SLC25A40: variants seen among roughly 807,000 people sequenced by gnomAD.
SLC25A40 encodes the protein solute carrier family 25 member 40, also known as mitochondrial glutathione transporter SLC25A40.
SLC25A40 carries 41 observed loss-of-function variants against 46.5 expected under a neutral mutation model. That is an observed-to-expected ratio of 0.88 (90% CI 0.69 to 1.14). SLC25A40 has a LOEUF of 1.14. SLC25A40 is among the 50% of genes most tolerant of loss of function. The probability of loss-of-function intolerance (pLI) is 0.00; values close to 1 mark genes in which losing one functional copy is unlikely to be tolerated. For missense variants in SLC25A40, 386 were observed against 393.6 expected, an observed-to-expected ratio of 0.98 and a Z score of 0.16; for synonymous variants, 126 against 127.5, an observed-to-expected ratio of 0.99 and a Z score of 0.08.
intron 5 of SLC25A40, 61 bp from the exon 6 acceptor site, chr7:87,850,009 T>G (rs1838484851): frequency 3.8e-6 from 4 of 1,049,900 alleles, no homozygotes; most frequent in South Asian, 1.7e-5. Context: ...ATACAAAAAT[T>G]TATACTGATG....
In SLC25A40 at chr7:87,847,052, G is replaced by GT. The variant is rs768819579; in HGVS notation, c.527dup (p.Tyr176Ter). 2.5e-6 allele frequency: 4 copies of GT among 1,613,620 alleles called. No individual in the cohort carries two copies. In the South Asian group the frequency reaches 3.3e-5, roughly 13 times the overall value. ...RTKMQSKKFS[Y>*]VELHRFVSKK... Reference sequence around the variant, plus strand: ...TGCTGACAAATCGATGCAGTTCCACGTAAGAAAACTTCTTGGACTGCATCT... The same window carrying GT: ...TGCTGACAAATCGATGCAGTTCCACGTTAAGAAAACTTCTTGGACTGCATCT... Residue 176 changes from tyrosine to a stop codon, truncating the protein, a stop_gained and frameshift_variant, in exon 8 of 12, where the codon TAC (tyrosine) becomes TAAC (stop). Transcript: ENST00000341119. LOFTEE classifies it high-confidence loss of function.
At chr7:87,874,371 C>T (rs1413900015) in intron 1 of SLC25A40, among the ~76,000 whole-genome samples, 2 of 152,206 alleles carry the variant, frequency 1.3e-5, no homozygotes. Context: ...ATCTTTCCCA[C>T]ATCCTCTAAA....
chr7:87,850,408 G>T (rs1427351478), intron 5 of SLC25A40, among the ~76,000 whole-genome samples: 1 of 152,138 alleles, frequency 6.6e-6, no homozygotes, highest in Non-Finnish European at 1.5e-5. Context: ...AAAAGATAAA[G>T]TAATTAAAAA....
At chr7:87,853,420 G>C (rs1405819586) in intron 5 of SLC25A40, among the ~76,000 whole-genome samples, 1 of 152,156 alleles carries the variant, frequency 6.6e-6, no homozygotes, top group Non-Finnish European at 1.5e-5. Flanking sequence ...CAGGTTAGGA[G>C]TTGCTTAAAC....
Position 87,858,651 on chromosome 7 carries a change from G to C in SLC25A40, c.77C>G (p.Ala26Gly). ...LQQMLASCTG[A>G]ILTSVIVTPL... ...TTTACCTATTACTGATGTCAGTATAGCTCCAGTACATGAGGCAAGCATTTG... is the reference window on the plus strand; with the variant it reads ...TTTACCTATTACTGATGTCAGTATACCTCCAGTACATGAGGCAAGCATTTG... The change falls in exon 3 of 12, where the codon GCT becomes GGT. Residue 26 changes from alanine (A) to glycine (G), a missense_variant. Physicochemically the swap from Ala to Gly is moderately conservative, Grantham distance 60. Transcript: ENST00000341119. 1 of 1,600,556 alleles carries C rather than the reference G, an allele frequency of 6.2e-7. No homozygotes were observed. Among genetic ancestry groups the C allele is most frequent in the Non-Finnish European group, 8.6e-7 (1 of 1,167,724 alleles).
intron 1 of SLC25A40, among the ~76,000 whole-genome samples, chr7:87,875,144 A>T (rs1838969064): frequency 6.6e-6 from 1 of 152,256 alleles, no homozygotes; most frequent in African/African-American, 2.4e-5. Flanking sequence ...TGACATCAAT[A>T]GACCTTGATG....
intron 1 of SLC25A40, among the ~76,000 whole-genome samples, chr7:87,872,199 T>C (rs1452256669): frequency 6.6e-6 from 1 of 152,222 alleles, no homozygotes; most frequent in African/African-American, 2.4e-5. Flanking sequence ...CAAACTCTTT[T>C]CCAAAACTTA....
At chr7:87,839,031 T>G (rs953748872) in intron 10 of SLC25A40, among the ~76,000 whole-genome samples, 2 of 151,530 alleles carry the variant, frequency 1.3e-5, no homozygotes. Context: ...AAAGTTTCCC[T>G]AGGGCACATA....
intron 1 of SLC25A40, among the ~76,000 whole-genome samples, chr7:87,867,691 G>C (rs904613758): frequency 4.6e-5 from 7 of 152,094 alleles, no homozygotes; most frequent in Non-Finnish European, 1.0e-4. Flanking sequence ...ATTTATTCCA[G>C]TCTTTTTGGT....
chr7:87,871,306 T>C (rs1305207628), intron 1 of SLC25A40, among the ~76,000 whole-genome samples: 1 of 152,180 alleles, frequency 6.6e-6, no homozygotes, highest in Non-Finnish European at 1.5e-5. Flanking sequence ...GATAATAGCA[T>C]TGAACTGAGG....
chr7:87,866,756 A>G (rs765779733), intron 1 of SLC25A40, among the ~76,000 whole-genome samples: 13 of 152,194 alleles, frequency 8.5e-5, no homozygotes, highest in African/African-American at 1.2e-4. Context: ...TTCAGTCCCG[A>G]TAAGTTAAAG....
Position 87,860,603 on chromosome 7 carries a change from C to T in SLC25A40, c.-56G>A, listed in dbSNP as rs938212263. The T allele has an allele frequency of 6.6e-6, 1 of 152,024 alleles. No individual in the cohort carries two copies. The highest frequency in any genetic ancestry group is 1.5e-5 in the Non-Finnish European group (1 of 68,016). The allele number at this position is 152,024 out of a possible 1,614,324, so 9.4% of individuals were successfully genotyped here. Reference sequence around the variant, plus strand: ...TGAGTCTGTTCTTCAACTCTATGCTCCAATATTTTATTGTTTGTAACATCA... The same window carrying T: ...TGAGTCTGTTCTTCAACTCTATGCTTCAATATTTTATTGTTTGTAACATCA... On this transcript the variant is annotated 5_prime_UTR_variant, in exon 2 of 12. It introduces an in-frame stop codon into an upstream open reading frame of the 5' UTR. Coordinates refer to ENST00000341119, the MANE Select transcript of SLC25A40 (RefSeq NM_018843.4).
Position 87,842,899 on chromosome 7 carries a change from A to G in SLC25A40, c.741+855T>C, listed in dbSNP as rs570351656. The stretch of plus-strand genomic sequence containing the variant: ...AATATCCTAAAGCCATTATTCAACA[A>G]TACTAATTGGTTTTTTTGTTCAATA... On this transcript the variant is annotated intron_variant, in intron 9 of 11. Transcript: ENST00000341119. 5.9e-5 allele frequency among the ~76,000 whole-genome samples: 9 copies of G among 152,184 alleles called. No homozygotes were observed. The South Asian group carries it at 1.9e-3, about 32-fold the overall frequency.
In SLC25A40 at chr7:87,847,068, G is replaced by A. The variant is rs1305352051; in HGVS notation, c.512C>T (p.Ser171Phe). 1.2e-6 allele frequency: 2 copies of A among 1,613,370 alleles called. No individual in the cohort carries two copies. Among genetic ancestry groups the A allele is most frequent in the Non-Finnish European group, 1.7e-6 (2 of 1,179,682 alleles). Reference protein sequence around the residue: ...PLELIRTKMQSKKFSYVELHR... With the variant: ...PLELIRTKMQFKKFSYVELHR... The stretch of plus-strand genomic sequence containing the variant: ...CAGTTCCACGTAAGAAAACTTCTTG[G>A]ACTGCATCTTGGTTCTAATCAATTC... The change falls in exon 8 of 12, where the codon TCC (serine) becomes TTC (phenylalanine). Residue 171 changes from serine (S) to phenylalanine (F), a missense_variant. Transcript: ENST00000341119.
At chr7:87,871,530 A>T (rs557388025) in intron 1 of SLC25A40, among the ~76,000 whole-genome samples, 1 of 152,238 alleles carries the variant, frequency 6.6e-6, no homozygotes, top group Admixed American at 6.5e-5. Context: ...TAGTTATTTT[A>T]AGATAACTAC....
intron 3 of SLC25A40, 107 bp downstream of exon 3, chr7:87,858,524 C>T: frequency 1.5e-6 from 1 of 688,406 alleles, no homozygotes; most frequent in Non-Finnish European, 2.5e-6. Flanking sequence ...CCAGCCAATA[C>T]TTATGGAAAA....
intron 1 of SLC25A40, among the ~76,000 whole-genome samples, chr7:87,873,757 C>T (rs190511681): frequency 6.6e-6 from 1 of 152,068 alleles, no homozygotes; most frequent in Non-Finnish European, 1.5e-5. Flanking sequence ...CCCATGGTCA[C>T]AAAACTAGTT....
chr7:87,850,895 A>G (rs1305151598), intron 5 of SLC25A40, among the ~76,000 whole-genome samples: 2 of 152,250 alleles, frequency 1.3e-5, no homozygotes. Flanking sequence ...AATTATAGAG[A>G]CAGACAATAA....
intron 3 of SLC25A40, 145 bp downstream of exon 3, chr7:87,858,486 T>A (rs1468324341): frequency 1.2e-5 from 7 of 562,738 alleles, no homozygotes; most frequent in Non-Finnish European, 1.9e-5. Flanking sequence ...GCTGTAAAAT[T>A]CCTCTCTTTG....
Sources: gnomAD v4.1 joint callset for allele counts (sites outside exome capture counted in the v4.1 genomes callset) on GRCh38, gnomAD v4.1.1 for gene constraint, MANE v1.5 for transcripts, NCBI Gene and HGNC (gene_info 2026-07-23, HGNC 2026-07-21) for gene names.